TMEM171: variants seen among roughly 807,000 people sequenced by gnomAD.
The protein encoded by TMEM171 is proline-rich protein PRP2.
A neutral mutation model predicts 19.1 loss-of-function variants in TMEM171; 16 were observed. The observed-to-expected ratio is 0.84, with a 90% confidence interval of 0.57 to 1.27. The LOEUF (loss-of-function observed/expected upper bound fraction) is 1.27. Ranked by LOEUF, TMEM171 falls within the 50% of genes most tolerant of loss-of-function variation. The probability of loss-of-function intolerance (pLI) is 0.00; values close to 1 mark genes in which losing one functional copy is unlikely to be tolerated. For synonymous variants in TMEM171, 153 were observed against 163.4 expected (o/e 0.94, Z 0.48); for missense variants, 429 against 412.7 (o/e 1.04, Z -0.34).
intron 1 of TMEM171, among the ~76,000 whole-genome samples, chr5:73,122,795 G>A (rs763773537): frequency 1.3e-4 from 20 of 152,186 alleles, no homozygotes; most frequent in Non-Finnish European, 2.8e-4. Context: ...CTGAAATTGG[G>A]TCTTTTGTAG....
rs1430868088 is a variant in TMEM171 at position 73,130,716 on chromosome 5, C to T, written c.783-822C>T. The stretch of plus-strand genomic sequence containing the variant: ...TTGGCTTTACAGCTTCATATGGGGT[C>T]GTGATGGGGGGATCCAGGGAGGTGC... On this transcript the variant is annotated intron_variant, in intron 3 of 3. Transcript: ENST00000454765. Among the ~76,000 whole-genome samples the T allele has an allele frequency of 2.6e-5, 4 of 151,960 alleles. No individual in the cohort carries two copies. In the South Asian group the frequency reaches 8.3e-4, roughly 32 times the overall value.
In TMEM171 at chr5:73,131,739, C is replaced by T. The variant is rs781504339; in HGVS notation, c.*9C>T. The T allele has an allele frequency of 3.2e-6, 5 of 1,580,298 alleles. No homozygotes were observed. In the South Asian group the frequency reaches 6.0e-5, roughly 19 times the overall value. ...AGCCTTCCCCACCGTAAACTATGGA[C>T]TCTAGTTCAGTTTTATATGCAATGG... On this transcript the variant is annotated 3_prime_UTR_variant, in exon 4 of 4. Transcript: ENST00000454765.
rs150651292 is a variant in TMEM171 at position 73,127,369 on chromosome 5, TAAAAA to T, written c.641-1009_641-1005del. Among the ~76,000 whole-genome samples the T allele has an allele frequency of 4.5e-3, 433 of 97,194 alleles. 16 individuals are homozygous for T. Among genetic ancestry groups the T allele is most frequent in the African/African-American group, 0.021 (410 of 19,232 alleles). The allele number at this position is 97,194 out of a possible 152,430, so 63.8% of individuals were successfully genotyped here. On this transcript the variant is annotated intron_variant, in intron 2 of 3. Coordinates refer to ENST00000454765, the MANE Select transcript of TMEM171 (RefSeq NM_173490.8). ...AGGCCTACTTTTAAAAAATTTGTGG[TAAAAA>T]AAAAAAAAAAATATATATATATATA...
intron 2 of TMEM171, among the ~76,000 whole-genome samples, chr5:73,128,004 C>T (rs147086475): frequency 1.2e-3 from 176 of 152,244 alleles, no homozygotes; most frequent in Admixed American, 7.7e-3. Flanking sequence ...CTCAGCTTCC[C>T]GAAGTGGTGG....
rs1286719698 is a variant in TMEM171 at position 73,127,385 on chromosome 5, AT to A, written c.641-1004del. ...AATTTGTGGTAAAAAAAAAAAAAAA[AT>A]ATATATATATATATATATATAAAGC... On this transcript the variant is annotated intron_variant, in intron 2 of 3. Transcript: ENST00000454765. 9.1e-3 allele frequency among the ~76,000 whole-genome samples: 603 copies of A among 66,428 alleles called. 9 individuals carry two copies. The highest frequency in any genetic ancestry group is 0.022 in the African/African-American group (339 of 15,120). 43.6% of individuals were successfully genotyped at this position (66,428 alleles called of 152,430 possible).
rs1208311630 is a variant in TMEM171, at chr5:73,120,643, G to A, written c.-122G>A. On this transcript the variant is annotated 5_prime_UTR_variant, in exon 1 of 4. Transcript: ENST00000454765. ...GGCCGCGTGCGGAGGCGGACGCCGCGCCCAGCCAGTGCCCACAGCAGCGCG... is the reference window on the plus strand; with the variant it reads ...GGCCGCGTGCGGAGGCGGACGCCGCACCCAGCCAGTGCCCACAGCAGCGCG... 2 of 984,676 alleles carry A rather than the reference G, an allele frequency of 2.0e-6. No individual in the cohort carries two copies. The highest frequency in any genetic ancestry group is 1.7e-5 in the African/African-American group (1 of 57,244). 61.0% of individuals were successfully genotyped at this position (984,676 alleles called of 1,614,324 possible). A position where few individuals can be genotyped will look rare whatever the true frequency, so the allele number is the denominator to read the frequency against.
rs1293368904 is a variant in TMEM171 at position 73,122,245 on chromosome 5, A to G, written c.-68-1061A>G. 2.6e-5 allele frequency among the ~76,000 whole-genome samples: 4 copies of G among 152,102 alleles called. No homozygotes were observed. The East Asian group carries it at 5.8e-4, about 22-fold the overall frequency. ...CCTCTTTGTGGAAGTAGGTGACACC[A>G]TGGAGGAGGGTGAGTGAGAGGCCAC... On this transcript the variant is annotated intron_variant, in intron 1 of 3. Coordinates refer to ENST00000454765, the MANE Select transcript of TMEM171 (RefSeq NM_173490.8).
chr5:73,125,982 C>A (rs1467934548), intron 2 of TMEM171, among the ~76,000 whole-genome samples: 1 of 152,174 alleles, frequency 6.6e-6, no homozygotes, highest in Non-Finnish European at 1.5e-5. Flanking sequence ...TGAGACAGCT[C>A]TCCTTGGAGG....
In TMEM171 at chr5:73,124,129, CAT is replaced by C. The variant is rs911626255; in HGVS notation, c.640+117_640+118del. On this transcript the variant is annotated intron_variant, in intron 2 of 3. Coordinates refer to ENST00000454765, the MANE Select transcript of TMEM171 (RefSeq NM_173490.8). ...TTTCTCAATTCTTCCATCTCTCACA[CAT>C]GTGTGTGCACACGCACACACCCCCA... 65 of 916,534 alleles carry C rather than the reference CAT, an allele frequency of 7.1e-5. 1 individual carries two copies. The highest frequency in any genetic ancestry group is 6.8e-4 in the South Asian group (35 of 51,612). The allele number at this position is 916,534 out of a possible 1,614,324, so 56.8% of individuals were successfully genotyped here. A position where few individuals can be genotyped will look rare whatever the true frequency, so the allele number is the denominator to read the frequency against.
In TMEM171 at chr5:73,129,702, C is replaced by A. The variant is rs1012713579; in HGVS notation, c.782+1171C>A. 2.0e-5 allele frequency among the ~76,000 whole-genome samples: 3 copies of A among 152,216 alleles called. 1 individual carries two copies. Among genetic ancestry groups the A allele is most frequent in the Non-Finnish European group, 4.4e-5 (3 of 68,036 alleles). ...GCACCAGGACTGGGCCAGGAGGCCCCTGCTATGCTAGGCTTCACTGCTTTA... is the reference window on the plus strand; with the variant it reads ...GCACCAGGACTGGGCCAGGAGGCCCATGCTATGCTAGGCTTCACTGCTTTA... On this transcript the variant is annotated intron_variant, in intron 3 of 3. Transcript: ENST00000454765.
chr5:73,123,677 A>G lies in TMEM171; in HGVS notation c.304A>G (p.Ile102Val). The G allele has an allele frequency of 6.2e-7, 1 of 1,614,168 alleles. No individual in the cohort carries two copies. Among genetic ancestry groups the G allele is most frequent in the Non-Finnish European group, 8.5e-7 (1 of 1,180,032 alleles). ...GCAGATGGACCCCGACCGAGCCTTC[A>G]TCTGTGGAGAGAGCCGCCAGTTTGC... ...GQQMDPDRAF[I>V]CGESRQFAQC... is the part of the protein sequence containing the mutation. The change falls in exon 2 of 4, where the codon ATC becomes GTC. Residue 102 changes from isoleucine to valine, a missense_variant. By Grantham distance (29) the Ile-to-Val change is conservative (BLOSUM62 3). Coordinates refer to ENST00000454765, the MANE Select transcript of TMEM171 (RefSeq NM_173490.8).
In TMEM171 at chr5:73,123,425, G is replaced by C. The variant is rs779874710; in HGVS notation, c.52G>C (p.Val18Leu). 6.2e-7 allele frequency: 1 copy of C among 1,614,084 alleles called. No homozygotes were observed. The highest frequency in any genetic ancestry group is 1.3e-5 in the African/African-American group (1 of 74,930). The change falls in exon 2 of 4, where the codon GTC becomes CTC. Residue 18 changes from valine to leucine, a missense_variant. Coordinates refer to ENST00000454765, the MANE Select transcript of TMEM171 (RefSeq NM_173490.8). ...AGATGGGGACCAGCAGGACAGACAC[G>C]TCAGCAAACTCATCTTCTGCTTCTT... ...EPDGDQQDRH[V>L]SKLIFCFFVF...
At chr5:73,129,873 C>A (rs1157396259) in intron 3 of TMEM171, among the ~76,000 whole-genome samples, 7 of 152,218 alleles carry the variant, frequency 4.6e-5, no homozygotes, top group African/African-American at 1.7e-4. Context: ...ATATTCGCTC[C>A]TTCCCTGGGC....
rs1423945566 is a variant in TMEM171 at position 73,123,571 on chromosome 5, T to G, written c.198T>G (p.Cys66Trp). The G allele has an allele frequency of 1.2e-6, 2 of 1,614,112 alleles. No homozygotes were observed. The highest frequency in any genetic ancestry group is 1.7e-6 in the Non-Finnish European group (2 of 1,180,048). The change falls in exon 2 of 4, where the codon TGT (cysteine) becomes TGG (tryptophan). Residue 66 changes from cysteine (C) to tryptophan (W), a missense_variant. Physicochemically the swap from Cys to Trp is radical, Grantham distance 215. Coordinates refer to ENST00000454765, the MANE Select transcript of TMEM171 (RefSeq NM_173490.8). The stretch of plus-strand genomic sequence containing the variant: ...TGCTCAAGGTGGCGGGGCCTGCATG[T>G]GCCGTGGTTGGGCTTGGGGCTGTGA... ...PMVLKVAGPA[C>W]AVVGLGAVIL...
chr5:73,131,785 T>A lies in TMEM171; in HGVS notation c.*55T>A. ...AATGGATCACTATTTTATTTAATTTTTTTTAAATAAAAAATACAATAGCAT... is the reference window on the plus strand; with the variant it reads ...AATGGATCACTATTTTATTTAATTTATTTTAAATAAAAAATACAATAGCAT... On this transcript the variant is annotated 3_prime_UTR_variant, in exon 4 of 4. Coordinates refer to ENST00000454765, the MANE Select transcript of TMEM171 (RefSeq NM_173490.8). The A allele has an allele frequency of 1.4e-6, 2 of 1,439,308 alleles. No homozygotes were observed. The highest frequency in any genetic ancestry group is 1.6e-5 in the South Asian group (1 of 64,372). 89.2% of individuals were successfully genotyped at this position (1,439,308 alleles called of 1,614,324 possible). A position where few individuals can be genotyped will look rare whatever the true frequency, so the allele number is the denominator to read the frequency against.
At chr5:73,131,068 C>G (rs922451559) in intron 3 of TMEM171, among the ~76,000 whole-genome samples, 18 of 152,190 alleles carry the variant, frequency 1.2e-4, no homozygotes, top group African/African-American at 4.1e-4. Context: ...AGAGTAGATT[C>G]CAGTGCAGGT....
chr5:73,123,697 G>T lies in TMEM171; in HGVS notation c.324G>T (p.Gln108His). ...DRAFICGESR[Q>H]FAQCLIFGFL... Reference sequence around the variant, plus strand: ...CCTTCATCTGTGGAGAGAGCCGCCAGTTTGCCCAGTGCCTTATCTTTGGGT... The same window carrying T: ...CCTTCATCTGTGGAGAGAGCCGCCATTTTGCCCAGTGCCTTATCTTTGGGT... Residue 108 changes from glutamine to histidine, a missense_variant, in exon 2 of 4, where the codon CAG becomes CAT. Physicochemically the swap from Gln to His is conservative, Grantham distance 24. Coordinates refer to ENST00000454765, the MANE Select transcript of TMEM171 (RefSeq NM_173490.8). The T allele has an allele frequency of 6.2e-7, 1 of 1,614,238 alleles. No individual in the cohort carries two copies. The highest frequency in any genetic ancestry group is 8.5e-7 in the Non-Finnish European group (1 of 1,180,052).
At chr5:73,126,960 C>A (rs1327131912) in intron 2 of TMEM171, among the ~76,000 whole-genome samples, 1 of 152,114 alleles carries the variant, frequency 6.6e-6, no homozygotes. Flanking sequence ...TGCATCTGGT[C>A]CCTAGTTTCT....
At chr5:73,127,384 A>ATATATATAT (rs1554078607) in intron 2 of TMEM171, among the ~76,000 whole-genome samples, 9 of 81,684 alleles carry the variant, frequency 1.1e-4, no homozygotes, top group East Asian at 3.4e-4. Flanking sequence ...AAAAAAAAAA[A>ATATATATAT]ATATATATAT....
Sources: allele counts gnomAD v4.1 joint callset (sites outside exome capture counted in the v4.1 genomes callset), GRCh38; gene constraint gnomAD v4.1.1; transcripts MANE v1.5; gene names NCBI Gene and HGNC (gene_info 2026-07-23, HGNC 2026-07-21).